The following PARD3B variants were observed in gnomAD, a reference collection of about 807,000 sequenced individuals.
PARD3B encodes par-3 family cell polarity regulator beta, also known as partitioning defective 3 homolog B.
PARD3B carries 103 observed loss-of-function variants against 130.2 expected under a neutral mutation model. The ratio of observed to expected loss-of-function variants is 0.79; its 90% CI spans 0.67 to 0.93. PARD3B has a LOEUF of 0.93. Ranked by LOEUF, PARD3B falls within the 40% of genes least tolerant of loss-of-function variation. PARD3B has a pLI of 0.00. For missense variants in PARD3B, 1,609 were observed against 1,499.2 expected (o/e 1.07, Z -1.21); for synonymous variants, 583 against 553.2 (o/e 1.05, Z -0.76).
intron 22 of PARD3B, among the ~76,000 whole-genome samples, chr2:205,581,257 T>TATAGATATAG (rs71032488): frequency 0.22 from 26,256 of 120,412 alleles, 3,521 homozygotes; most frequent in East Asian, 0.55. Flanking sequence ...TATAGATATA[T>TATAGATATAG]ATAGATATAG....
At chr2:204,804,078 A>G (rs929692133) in intron 2 of PARD3B, among the ~76,000 whole-genome samples, 1 of 152,132 alleles carries the variant, frequency 6.6e-6, no homozygotes, top group Non-Finnish European at 1.5e-5. Context: ...AAAAAAATAA[A>G]TTAGCCAGGT....
chr2:205,557,583 G>A (rs182777895), intron 22 of PARD3B, among the ~76,000 whole-genome samples: 1 of 152,304 alleles, frequency 6.6e-6, no homozygotes, highest in African/African-American at 2.4e-5. Context: ...GTGGCCTTGG[G>A]CAGTGATGGA....
At chr2:205,047,191 C>T (rs974888208) in intron 3 of PARD3B, among the ~76,000 whole-genome samples, 4 of 152,186 alleles carry the variant, frequency 2.6e-5, no homozygotes, top group African/African-American at 9.7e-5. Context: ...ACTTCCAGCT[C>T]TGTTGAATGG....
chr2:205,166,738 T>C (rs2034841932), intron 11 of PARD3B, among the ~76,000 whole-genome samples: 1 of 152,186 alleles, frequency 6.6e-6, no homozygotes, highest in Admixed American at 6.5e-5. Context: ...GAAGGATTCG[T>C]TGAAGATAAT....
chr2:205,517,996 A>G (rs949055323), intron 21 of PARD3B, among the ~76,000 whole-genome samples: 1 of 152,064 alleles, frequency 6.6e-6, no homozygotes, highest in Admixed American at 6.6e-5. Flanking sequence ...ATTGATTCAT[A>G]TCCCATTATG....
intron 22 of PARD3B, among the ~76,000 whole-genome samples, chr2:205,582,056 A>G (rs1320670877): frequency 6.6e-6 from 1 of 152,170 alleles, no homozygotes; most frequent in African/African-American, 2.4e-5. Flanking sequence ...TCAGTCCTCA[A>G]TCTCAAATGG....
At chr2:204,872,791 T>C (rs1192572300) in intron 2 of PARD3B, among the ~76,000 whole-genome samples, 2 of 152,210 alleles carry the variant, frequency 1.3e-5, no homozygotes, top group Non-Finnish European at 2.9e-5. Context: ...CAAATACTTA[T>C]TTGAACTCTA....
At chr2:204,841,888 A>G (rs1183809864) in intron 2 of PARD3B, among the ~76,000 whole-genome samples, 1 of 149,614 alleles carries the variant, frequency 6.7e-6, no homozygotes, top group Non-Finnish European at 1.5e-5. Context: ...ACACAACTTT[A>G]AAATAACAAA....
chr2:204,657,833 T>C (rs2035687337), intron 1 of PARD3B, among the ~76,000 whole-genome samples: 2 of 152,202 alleles, frequency 1.3e-5, no homozygotes, highest in Admixed American at 1.3e-4. Flanking sequence ...TAGTAAACCA[T>C]GGTTGCATGC....
Position 205,192,100 on chromosome 2 carries a change from A to T in PARD3B, c.2025-1105A>T, listed in dbSNP as rs76360814. ...CATTTGGCAATACTATTATTGCTGCATACTAATTTTAATATTGCTTGAAAG... is the reference window on the plus strand; with the variant it reads ...CATTTGGCAATACTATTATTGCTGCTTACTAATTTTAATATTGCTTGAAAG... On this transcript the variant is annotated intron_variant, in intron 14 of 22. Coordinates refer to ENST00000406610, the MANE Select transcript of PARD3B (RefSeq NM_001302769.2). 7.9e-3 allele frequency among the ~76,000 whole-genome samples: 1,196 copies of T among 152,324 alleles called. 18 individuals carry two copies. Among genetic ancestry groups the T allele is most frequent in the African/African-American group, 0.027 (1,114 of 41,570 alleles).
chr2:204,929,408 A>AT (rs1328157707), intron 2 of PARD3B, among the ~76,000 whole-genome samples: 1 of 152,156 alleles, frequency 6.6e-6, no homozygotes, highest in Non-Finnish European at 1.5e-5. Flanking sequence ...GTTATTTCAC[A>AT]TTTATAAAAC....
In PARD3B at chr2:205,104,437, G is replaced by T. The variant is rs1703050827; in HGVS notation, c.516G>T (p.Gln172His). The T allele has an allele frequency of 1.9e-6, 3 of 1,597,750 alleles. No individual in the cohort carries two copies. Among genetic ancestry groups the T allele is most frequent in the Non-Finnish European group, 2.6e-6 (3 of 1,165,382 alleles). Residue 172 changes from glutamine to histidine, a missense_variant, in exon 5 of 23, where the codon CAG becomes CAT. Transcript: ENST00000406610. ...TTGTTTCACTATAGGATTCCACGCA[G>T]AACTTGGAAGACAGAGAAGTTTTGA... ...SLKLVVPDST[Q>H]NLEDREVLNG...
rs2045680256 is a variant in PARD3B, at chr2:205,386,898, T to C, written c.2631-14115T>C. Among the ~76,000 whole-genome samples the C allele has an allele frequency of 2.0e-5, 3 of 152,142 alleles. No homozygotes were observed. The South Asian group carries it at 6.2e-4, about 31-fold the overall frequency. On this transcript the variant is annotated intron_variant, in intron 18 of 22. Transcript: ENST00000406610. ...ATCCCCCTATCCCTAAGAAACTACCTCTTAATTTTTAAACCAATAAAAATA... is the reference window on the plus strand; with the variant it reads ...ATCCCCCTATCCCTAAGAAACTACCCCTTAATTTTTAAACCAATAAAAATA...
intron 20 of PARD3B, among the ~76,000 whole-genome samples, chr2:205,498,283 C>T (rs2050019253): frequency 6.6e-6 from 1 of 151,212 alleles, no homozygotes; most frequent in African/African-American, 2.4e-5. Flanking sequence ...GAGTGGATCA[C>T]CTGAGGTCAG....
intron 3 of PARD3B, among the ~76,000 whole-genome samples, chr2:204,991,091 A>G (rs914897908): frequency 2.0e-5 from 3 of 149,532 alleles, no homozygotes; most frequent in African/African-American, 7.4e-5. Context: ...TTTTTATTAT[A>G]CTTATATAAG....
intron 19 of PARD3B, among the ~76,000 whole-genome samples, chr2:205,412,598 T>A (rs917137436): frequency 6.6e-6 from 1 of 152,216 alleles, no homozygotes; most frequent in Non-Finnish European, 1.5e-5. Flanking sequence ...CAGTGCAAAC[T>A]CTTTGTCCTA....
Position 205,550,965 on chromosome 2 carries a change from A to ATATATATATATATATG in PARD3B, c.3181-2347_3181-2346insTATGTATATATATATA, listed in dbSNP as rs1559207017. Among the ~76,000 whole-genome samples the ATATATATATATATATG allele has an allele frequency of 9.7e-6, 1 of 103,502 alleles. No individual in the cohort carries two copies. The highest frequency in any genetic ancestry group is 3.3e-5 in the African/African-American group (1 of 30,422). The allele number at this position is 103,502 out of a possible 152,430, so 67.9% of individuals were successfully genotyped here. A position where few individuals can be genotyped will look rare whatever the true frequency, so the allele number is the denominator to read the frequency against. On this transcript the variant is annotated intron_variant, in intron 21 of 22. Coordinates refer to ENST00000406610, the MANE Select transcript of PARD3B (RefSeq NM_001302769.2). The surrounding 1 kb of genome is among the most constrained non-coding windows in gnomAD (Gnocchi z 4.5). ...TGTATATATATATGTGTATATATAT[A>ATATATATATATATATG]TATATATATATACACACACACACAC...
chr2:205,192,207 A>G (rs779946684), intron 14 of PARD3B, among the ~76,000 whole-genome samples: 54 of 152,164 alleles, frequency 3.5e-4, no homozygotes, highest in Non-Finnish European at 8.8e-5. Context: ...TCTCTTGTAC[A>G]TTTTAGAAGG....
intron 18 of PARD3B, among the ~76,000 whole-genome samples, chr2:205,399,219 G>A (rs752551571): frequency 1.3e-5 from 2 of 151,966 alleles, no homozygotes; most frequent in Non-Finnish European, 2.9e-5. Flanking sequence ...GCAGTGAGCC[G>A]AGATCATGCC....
Sources: gnomAD v4.1 joint callset for allele counts (sites outside exome capture counted in the v4.1 genomes callset) on GRCh38, gnomAD v4.1.1 for gene constraint, Gnocchi (gnomAD v3.1) non-coding constraint, MANE v1.5 for transcripts, NCBI Gene and HGNC (gene_info 2026-07-23, HGNC 2026-07-21) for gene names.